EXT1: variants seen among roughly 807,000 people sequenced by gnomAD.
EXT1 encodes exostosin-1.
Under a neutral mutation model 82.5 loss-of-function variants are expected in EXT1, and 20 were observed. The observed-to-expected ratio is 0.24, with a 90% CI of 0.17 to 0.35. The LOEUF is 0.35. EXT1 is among the 10% of genes least tolerant of loss of function. The probability of loss-of-function intolerance (pLI) is 1.00; values close to 1 mark genes in which losing one functional copy is unlikely to be tolerated. For synonymous variants in EXT1, 348 were observed against 350.8 expected (o/e 0.99, Z 0.09); for missense variants, 757 against 936.5 (o/e 0.81, Z 2.50).
chr8:118,023,935 A>G lies in EXT1; in HGVS notation c.962+86150T>C, dbSNP rs111251009. Among the ~76,000 whole-genome samples, 185 of 152,348 alleles carry G rather than the reference A, an allele frequency of 1.2e-3. 1 individual carries two copies. Among genetic ancestry groups the G allele is most frequent in the African/African-American group, 4.4e-3 (184 of 41,594 alleles). On this transcript the variant is annotated intron_variant, in intron 1 of 10. Transcript: ENST00000378204. ...CATTGTGGCTCCACACTGCATGTGA[A>G]GTTCCTACCTTGTGCCACATGCTGG... is the stretch of plus-strand genomic sequence containing the variant.
In EXT1 at chr8:117,799,686, T is replaced by TC. The variant is rs776405618; in HGVS notation, c.*25dup. 1 of 1,613,522 alleles carries TC rather than the reference T, an allele frequency of 6.2e-7. No individual in the cohort carries two copies. Among genetic ancestry groups the TC allele is most frequent in the Admixed American group, 1.7e-5 (1 of 59,966 alleles). On this transcript the variant is annotated 3_prime_UTR_variant, in exon 11 of 11. Transcript: ENST00000378204. ...AGCTTGACCCCCATCCCTTCTTGCT[T>TC]CCCCTCCCCCACTCAGCCGGATTCC...
intron 1 of EXT1, among the ~76,000 whole-genome samples, chr8:117,861,099 G>GGGTCCTCATGGAAACATATCTTTC (rs1812676051): frequency 6.6e-6 from 1 of 152,150 alleles, no homozygotes; most frequent in Non-Finnish European, 1.5e-5. Flanking sequence ...TTACTCTGCT[G>GGGTCCTCATGGAAACATATCTTTC]GGTCCTCATG....
chr8:117,835,635 A>T lies in EXT1; in HGVS notation c.1057-84T>A, dbSNP rs539931402. On this transcript the variant is annotated intron_variant, in intron 2 of 10. Transcript: ENST00000378204. Reference sequence around the variant, plus strand: ...TCAGAGGTGAAATCAGTACAAACTCAATGACTGGCATTTTTGACACTGCAT... The same window carrying T: ...TCAGAGGTGAAATCAGTACAAACTCTATGACTGGCATTTTTGACACTGCAT... The T allele has an allele frequency of 1.7e-4, 167 of 1,009,562 alleles. 2 individuals carry two copies. The South Asian group carries it at 2.0e-3, about 12-fold the overall frequency. The allele number at this position is 1,009,562 out of a possible 1,614,324, so 62.5% of individuals were successfully genotyped here. A position where few individuals can be genotyped will look rare whatever the true frequency, so the allele number is the denominator to read the frequency against.
chr8:118,081,009 G>C (rs1157622970), intron 1 of EXT1, among the ~76,000 whole-genome samples: 1 of 152,146 alleles, frequency 6.6e-6, no homozygotes, highest in Non-Finnish European at 1.5e-5. Flanking sequence ...AATAAAACTA[G>C]TTAATATTTA....
At position 117,879,441 on chromosome 8, in the gene EXT1, G is replaced by GA. The variant is rs775940976; in HGVS notation, c.963-42241dup. ...CCCCCTCAATCATTCCTTTCCACAT[G>GA]AAAAAAAAAAAGGAACTCTATAATG... On this transcript the variant is annotated intron_variant, in intron 1 of 10. Transcript: ENST00000378204. Among the ~76,000 whole-genome samples, 221 of 141,578 alleles carry GA rather than the reference G, an allele frequency of 1.6e-3. No individual in the cohort carries two copies. The East Asian group carries it at 0.019, about 12-fold the overall frequency. 92.9% of individuals were successfully genotyped at this position (141,578 alleles called of 152,430 possible). A position where few individuals can be genotyped will look rare whatever the true frequency, so the allele number is the denominator to read the frequency against.
intron 1 of EXT1, among the ~76,000 whole-genome samples, chr8:117,873,447 CTT>C (rs1184985472): frequency 0.086 from 8,457 of 98,256 alleles, 146 homozygotes; most frequent in African/African-American, 0.12. Context: ...TGTCCTGTGA[CTT>C]TTTTTTTTTT....
intron 1 of EXT1, among the ~76,000 whole-genome samples, chr8:117,909,333 A>G (rs1230884840): frequency 6.6e-6 from 1 of 152,154 alleles, no homozygotes; most frequent in Non-Finnish European, 1.5e-5. Context: ...CTTTATCATC[A>G]TATTAGGCCA....
At chr8:118,072,168 G>A (rs942088194) in intron 1 of EXT1, among the ~76,000 whole-genome samples, 1 of 152,098 alleles carries the variant, frequency 6.6e-6, no homozygotes, top group Non-Finnish European at 1.5e-5. Flanking sequence ...AGAGGTACAC[G>A]GTGAGCATGA....
chr8:117,801,002 G>A (rs546574020), intron 10 of EXT1, among the ~76,000 whole-genome samples: 1 of 152,364 alleles, frequency 6.6e-6, no homozygotes, highest in South Asian at 2.1e-4. Flanking sequence ...AGTCTTTAAT[G>A]ATGTATATGT....
chr8:117,896,797 T>A (rs1813346792), intron 1 of EXT1, among the ~76,000 whole-genome samples: 1 of 152,174 alleles, frequency 6.6e-6, no homozygotes, highest in Non-Finnish European at 1.5e-5. Context: ...GTCTTCTTAA[T>A]TACATTGAGA....
At chr8:118,042,584 T>TG (rs1292192611) in intron 1 of EXT1, among the ~76,000 whole-genome samples, 1 of 151,958 alleles carries the variant, frequency 6.6e-6, no homozygotes, top group Non-Finnish European at 1.5e-5. Context: ...CATGAGCCTC[T>TG]GGGGGCACCT....
At chr8:117,985,661 A>T (rs1398703192) in intron 1 of EXT1, among the ~76,000 whole-genome samples, 1 of 135,116 alleles carries the variant, frequency 7.4e-6, no homozygotes, top group African/African-American at 3.7e-5. Context: ...AAAAAAGCTT[A>T]AAAAAAAAAC....
At chr8:117,941,219 C>T (rs747984932) in intron 1 of EXT1, among the ~76,000 whole-genome samples, 37 of 152,218 alleles carry the variant, frequency 2.4e-4, no homozygotes, top group Non-Finnish European at 3.7e-4. Context: ...CATGTGCAGG[C>T]AATCCAGGCA....
intron 1 of EXT1, among the ~76,000 whole-genome samples, chr8:117,966,460 A>G (rs1166660578): frequency 6.6e-6 from 1 of 152,208 alleles, no homozygotes; most frequent in African/African-American, 2.4e-5. Context: ...TTTTGCTACT[A>G]AAGAAACTGG....
intron 1 of EXT1, among the ~76,000 whole-genome samples, chr8:117,895,362 A>G (rs1164835207): frequency 6.6e-6 from 1 of 152,188 alleles, no homozygotes; most frequent in African/African-American, 2.4e-5. Context: ...TTTATTGGGC[A>G]CCTGTTCTGG....
chr8:117,862,320 C>G (rs1481819670), intron 1 of EXT1, among the ~76,000 whole-genome samples: 1 of 145,748 alleles, frequency 6.9e-6, no homozygotes, highest in Admixed American at 7.0e-5. Context: ...CTCTATAGCC[C>G]CCTACCAAAG....
At chr8:117,836,366 C>T (rs1587004026) in intron 2 of EXT1, among the ~76,000 whole-genome samples, 1 of 152,118 alleles carries the variant, frequency 6.6e-6, no homozygotes, top group African/African-American at 2.4e-5. Flanking sequence ...GAATGATTTG[C>T]AGTTAAGATG....
chr8:117,932,582 C>T (rs1482154055), intron 1 of EXT1, among the ~76,000 whole-genome samples: 1 of 152,128 alleles, frequency 6.6e-6, no homozygotes, highest in African/African-American at 2.4e-5. Context: ...CTGCCCACAC[C>T]TCACTGTCCC....
At chr8:118,087,668 TTAC>T (rs777408659) in intron 1 of EXT1, among the ~76,000 whole-genome samples, 2 of 152,154 alleles carry the variant, frequency 1.3e-5, no homozygotes, top group Non-Finnish European at 2.9e-5. Flanking sequence ...TGACAAACTT[TTAC>T]TACAACAGAA....
Sources: allele counts gnomAD v4.1 joint callset (sites outside exome capture counted in the v4.1 genomes callset), GRCh38; gene constraint gnomAD v4.1.1; transcripts MANE v1.5; gene names NCBI Gene and HGNC (gene_info 2026-07-23, HGNC 2026-07-21).